KCNH1: variants seen among roughly 807,000 people sequenced by gnomAD.
The protein encoded by KCNH1 is voltage-gated delayed rectifier potassium channel KCNH1.
A neutral mutation model predicts 69.2 loss-of-function variants in KCNH1; 27 were observed. The ratio of observed to expected loss-of-function variants is 0.39; its 90% CI spans 0.29 to 0.54. The LOEUF (loss-of-function observed/expected upper bound fraction) is 0.54, where lower values mean the gene tolerates loss of function less well. Ranked by LOEUF, KCNH1 falls within the 20% of genes least tolerant of loss-of-function variation. The pLI is 0.68. For synonymous variants in KCNH1, 456 were observed against 487.7 expected (o/e 0.93, Z 0.86); for missense variants, 798 against 1,261.6 (o/e 0.63, Z 5.57).
chr1:210,789,021 C>T (rs1684164950), intron 9 of KCNH1, among the ~76,000 whole-genome samples: 1 of 152,168 alleles, frequency 6.6e-6, no homozygotes, highest in Non-Finnish European at 1.5e-5. Context: ...AAAGTGCGGA[C>T]TTAGTTTAAT....
chr1:211,119,913 C>T (rs925550169), intron 1 of KCNH1, among the ~76,000 whole-genome samples: 2 of 152,114 alleles, frequency 1.3e-5, no homozygotes, highest in Non-Finnish European at 1.5e-5. Context: ...GGTAGTTACC[C>T]CTAAGTACAT....
chr1:210,859,707 C>A, intron 7 of KCNH1: 2 of 1,229,836 alleles, frequency 1.6e-6, no homozygotes, highest in South Asian at 1.2e-5. Flanking sequence ...CTGGCAAAAT[C>A]TGTCCAGAAA....
chr1:210,860,025 T>C (rs951735493), intron 7 of KCNH1: 2 of 1,563,452 alleles, frequency 1.3e-6, no homozygotes, highest in Admixed American at 3.3e-5. Flanking sequence ...CTGGTCAACG[T>C]GACGCCCTTT....
intron 5 of KCNH1, among the ~76,000 whole-genome samples, chr1:211,072,842 G>GA (rs985362350): frequency 6.6e-6 from 1 of 152,102 alleles, no homozygotes; most frequent in South Asian, 2.1e-4. Flanking sequence ...GCAATGAATA[G>GA]AAAAAAGCAA....
intron 10 of KCNH1, among the ~76,000 whole-genome samples, chr1:210,740,571 A>C (rs867517659): frequency 9.9e-5 from 15 of 152,140 alleles, no homozygotes; most frequent in Middle Eastern, 6.8e-3. Flanking sequence ...TTTTACTTAC[A>C]GGCTGCCATG....
intron 9 of KCNH1, among the ~76,000 whole-genome samples, chr1:210,776,118 G>A (rs1683854764): frequency 6.6e-6 from 1 of 152,178 alleles, no homozygotes; most frequent in Admixed American, 6.5e-5. Flanking sequence ...GAGCAAGAGA[G>A]GTTTCCTTTC....
At chr1:210,844,307 G>A (rs1453710424) in intron 7 of KCNH1, among the ~76,000 whole-genome samples, 2 of 152,116 alleles carry the variant, frequency 1.3e-5, no homozygotes, top group Admixed American at 6.5e-5. Context: ...TGGGTCACGA[G>A]GTCAAGAGAT....
At chr1:210,909,316 C>T (rs921279118) in intron 7 of KCNH1, among the ~76,000 whole-genome samples, 9 of 152,212 alleles carry the variant, frequency 5.9e-5, no homozygotes, top group African/African-American at 2.2e-4. Flanking sequence ...CACCTTCTCC[C>T]TCCTTTACAC....
chr1:211,090,614 A>G lies in KCNH1; in HGVS notation c.387T>C (p.Thr129=). 1 of 1,610,018 alleles carries G rather than the reference A, an allele frequency of 6.2e-7. No homozygotes were observed. Among genetic ancestry groups the G allele is most frequent in the South Asian group, 1.1e-5 (1 of 89,754 alleles). The change falls in exon 4 of 11, where the codon ACT becomes ACC. Residue 129 remains threonine, a synonymous_variant. Transcript: ENST00000271751. ...GTTTGAAAGCTGTTATGTCACTGAA[A>G]GTGCAAAGAAATAAAACCACTTTAT... ...EQDKVVLFLC[T]FSDITAFKQP... is the part of the protein sequence containing the mutation.
At chr1:210,998,814 C>T (rs1689107264) in intron 6 of KCNH1, among the ~76,000 whole-genome samples, 1 of 152,236 alleles carries the variant, frequency 6.6e-6, no homozygotes, top group Admixed American at 6.5e-5. Flanking sequence ...CAAACTGTCT[C>T]TCACACCACA....
At chr1:210,864,019 T>G (rs1686046401) in intron 7 of KCNH1, among the ~76,000 whole-genome samples, 1 of 152,208 alleles carries the variant, frequency 6.6e-6, no homozygotes, top group South Asian at 2.1e-4. Flanking sequence ...ACTGGATCAG[T>G]GCAGGATGGA....
chr1:210,935,189 A>AT lies in KCNH1; in HGVS notation c.1033-15121_1033-15120insA, dbSNP rs567763649. Among the ~76,000 whole-genome samples, 917 of 151,776 alleles carry AT rather than the reference A, an allele frequency of 6.0e-3. 12 individuals are homozygous for AT. The highest frequency in any genetic ancestry group is 0.02 in the African/African-American group (841 of 41,370). ...ACGAATAGTATTCAGCCATAAAAAA[A>AT]AAAATAAAATCCTGCCATTTGCAGG... On this transcript the variant is annotated intron_variant, in intron 6 of 10. Transcript: ENST00000271751.
chr1:210,765,996 G>A (rs1683623075), intron 10 of KCNH1, among the ~76,000 whole-genome samples: 1 of 152,144 alleles, frequency 6.6e-6, no homozygotes, highest in Admixed American at 6.5e-5. Flanking sequence ...CCGGGAGGTG[G>A]AGGTTGCAGG....
At chr1:210,868,112 C>T (rs1686154457) in intron 7 of KCNH1, among the ~76,000 whole-genome samples, 3 of 152,106 alleles carry the variant, frequency 2.0e-5, no homozygotes, top group Non-Finnish European at 2.9e-5. Context: ...TACTATTCTA[C>T]ATACCCACAA....
At chr1:210,727,682 A>G (rs1458820174) in intron 10 of KCNH1, among the ~76,000 whole-genome samples, 1 of 152,196 alleles carries the variant, frequency 6.6e-6, no homozygotes, top group African/African-American at 2.4e-5. Context: ...GGAATCAGGG[A>G]GTTTGGTCCT....
chr1:210,798,321 G>A (rs1684364247), intron 8 of KCNH1, among the ~76,000 whole-genome samples: 1 of 152,164 alleles, frequency 6.6e-6, no homozygotes, highest in Admixed American at 6.5e-5. Context: ...TTACAGGCGT[G>A]AGCCACCACA....
intron 6 of KCNH1, among the ~76,000 whole-genome samples, chr1:210,943,604 G>A (rs369762864): frequency 5.9e-5 from 9 of 152,060 alleles, no homozygotes; most frequent in South Asian, 2.1e-4. Context: ...TGACCACCTC[G>A]GCCTCCCAAA....
intron 5 of KCNH1, among the ~76,000 whole-genome samples, chr1:211,034,335 C>G (rs565107102): frequency 6.6e-6 from 1 of 151,784 alleles, no homozygotes; most frequent in African/African-American, 2.4e-5. Flanking sequence ...AGATTACATA[C>G]TTATGACTCC....
chr1:211,102,679 G>T (rs1571648397), intron 3 of KCNH1, among the ~76,000 whole-genome samples: 1 of 152,190 alleles, frequency 6.6e-6, no homozygotes, highest in Middle Eastern at 3.4e-3. Context: ...ACTTTCCAGG[G>T]CAAAACATAT....
Sources: gnomAD v4.1 joint callset for allele counts (sites outside exome capture counted in the v4.1 genomes callset) on GRCh38, gnomAD v4.1.1 for gene constraint, MANE v1.5 for transcripts, NCBI Gene and HGNC (gene_info 2026-07-23, HGNC 2026-07-21) for gene names.